Variants in SHROOM1 observed in about 807,000 individuals in gnomAD.
SHROOM1 encodes protein Shroom1.
SHROOM1 carries 53 observed loss-of-function variants against 64.2 expected under a neutral mutation model. The observed-to-expected ratio is 0.83, with a 90% CI of 0.66 to 1.04. The LOEUF is 1.04. Ranked by LOEUF, SHROOM1 falls within the 50% of genes least tolerant of loss-of-function variation. The pLI is 0.00. For synonymous variants in SHROOM1, 490 were observed against 518.9 expected, an observed-to-expected ratio of 0.94 and a Z score of 0.76; for missense variants, 1,179 against 1,163.2, an observed-to-expected ratio of 1.01 and a Z score of -0.20.
At chr5:132,826,921 G>C (rs1266206731) in intron 2 of SHROOM1, among the ~76,000 whole-genome samples, 1 of 152,184 alleles carries the variant, frequency 6.6e-6, no homozygotes, top group African/African-American at 2.4e-5. Flanking sequence ...CTGCTGAAAG[G>C]CAGTTTACCA....
Position 132,825,917 on chromosome 5 carries a change from G to A in SHROOM1, c.224C>T (p.Pro75Leu), listed in dbSNP as rs1354782789. 7.3e-7 allele frequency: 1 copy of A among 1,367,204 alleles called. No individual in the cohort carries two copies. Among genetic ancestry groups the A allele is most frequent in the South Asian group, 1.7e-5 (1 of 57,204 alleles). The allele number at this position is 1,367,204 out of a possible 1,614,324, so 84.7% of individuals were successfully genotyped here. Reference sequence around the variant, plus strand: ...CGGGGATGTGCAAAGGGCAGCGTCGGGCGGGGCGGGGCCCGGGCCGCCCCA... The same window carrying A: ...CGGGGATGTGCAAAGGGCAGCGTCGAGCGGGGCGGGGCCCGGGCCGCCCCA... The part of the protein sequence containing the change: ...VVWGGPGPAP[P>L]DAALCTSPRP... Residue 75 changes from proline (P) to leucine (L), a missense_variant, in exon 4 of 10, where the codon CCC (proline) becomes CTC (leucine). Physicochemically the swap from Pro to Leu is moderately conservative, Grantham distance 98. Coordinates refer to ENST00000378679, the MANE Select transcript of SHROOM1 (RefSeq NM_001172700.2). This position sits in a 1 kb window ranked among gnomAD's most constrained non-coding sequence, Gnocchi z 5.1.
Position 132,830,132 on chromosome 5 carries a change from T to C in SHROOM1, c.-501+462A>G, listed in dbSNP as rs1758803834. Reference sequence around the variant, plus strand: ...ACACGCGGAGCGGCTCGACAGCAGATGGCCGCAGCCCCGCGCAGTTCTGGG... The same window carrying C: ...ACACGCGGAGCGGCTCGACAGCAGACGGCCGCAGCCCCGCGCAGTTCTGGG... On this transcript the variant is annotated intron_variant, in intron 1 of 9. Transcript: ENST00000378679. The surrounding 1 kb of genome is among the most constrained non-coding windows in gnomAD (Gnocchi z 5.9). 1.0e-6 allele frequency: 1 copy of C among 985,184 alleles called. No homozygotes were observed. Among genetic ancestry groups the C allele is most frequent in the East Asian group, 1.1e-4 (1 of 8,750 alleles). 61.0% of individuals were successfully genotyped at this position (985,184 alleles called of 1,614,324 possible). A position where few individuals can be genotyped will look rare whatever the true frequency, so the allele number is the denominator to read the frequency against.
rs1758637184 is a variant in SHROOM1, at chr5:132,825,361, G to T, written c.780C>A (p.Phe260Leu). 5.0e-6 allele frequency: 8 copies of T among 1,599,746 alleles called. No individual in the cohort carries two copies. Among genetic ancestry groups the T allele is most frequent in the Non-Finnish European group, 6.8e-6 (8 of 1,179,006 alleles). The stretch of plus-strand genomic sequence containing the variant: ...CAAACTTAGCCAGCGCCGGATGCTG[G>T]AACTCCAAGGGCTCGGGCCCAGGGA... ...SGLPGPEPLEFQHPALAKFED... is the reference protein window; with the variant it reads ...SGLPGPEPLELQHPALAKFED... Residue 260 changes from phenylalanine to leucine, a missense_variant, in exon 4 of 10, where the codon TTC becomes TTA. Coordinates refer to ENST00000378679, the MANE Select transcript of SHROOM1 (RefSeq NM_001172700.2). The surrounding 1 kb of genome is among the most constrained non-coding windows in gnomAD (Gnocchi z 5.1).
In SHROOM1 at chr5:132,830,342, C is replaced by A. The variant is rs970873005; in HGVS notation, c.-501+252G>T. 8 of 985,002 alleles carry A rather than the reference C, an allele frequency of 8.1e-6. No individual in the cohort carries two copies. Among genetic ancestry groups the A allele is most frequent in the Non-Finnish European group, 9.6e-6 (8 of 829,808 alleles). The allele number at this position is 985,002 out of a possible 1,614,324, so 61.0% of individuals were successfully genotyped here. A position where few individuals can be genotyped will look rare whatever the true frequency, so the allele number is the denominator to read the frequency against. ...GCCCAGCCGCGCCCCTGAGCCGCGC[C>A]GCCAGCTTAGAGTGGGCCGCCTCTC... On this transcript the variant is annotated intron_variant, in intron 1 of 9. Coordinates refer to ENST00000378679, the MANE Select transcript of SHROOM1 (RefSeq NM_001172700.2). The surrounding 1 kb of genome is among the most constrained non-coding windows in gnomAD (Gnocchi z 5.9).
rs193058802 is a variant in SHROOM1, at chr5:132,825,004, T to G, written c.1034+14A>C. ...TTCCCCCCAACTTGGTCCAGAGTGG[T>G]CCGTGTCTCTCACCTGGAAAGTTTG... is the stretch of plus-strand genomic sequence containing the variant. On this transcript the variant is annotated intron_variant, in intron 5 of 9. Coordinates refer to ENST00000378679, the MANE Select transcript of SHROOM1 (RefSeq NM_001172700.2). The surrounding 1 kb of genome is among the most constrained non-coding windows in gnomAD (Gnocchi z 5.1). 37 of 1,613,906 alleles carry G rather than the reference T, an allele frequency of 2.3e-5. No homozygotes were observed. The Admixed American group carries it at 3.8e-4, about 17-fold the overall frequency.
intron 1 of SHROOM1, among the ~76,000 whole-genome samples, chr5:132,829,287 T>A (rs1020886081): frequency 3.9e-5 from 6 of 152,128 alleles, no homozygotes; most frequent in African/African-American, 1.4e-4. Context: ...GTCTGGCAGG[T>A]GGAGGCACCA....
Position 132,822,557 on chromosome 5 carries a change from G to T in SHROOM1, c.*239C>A. 2 of 434,034 alleles carry T rather than the reference G, an allele frequency of 4.6e-6. No individual in the cohort carries two copies. The highest frequency in any genetic ancestry group is 8.2e-6 in the Non-Finnish European group (2 of 243,684). 26.9% of individuals were successfully genotyped at this position (434,034 alleles called of 1,614,324 possible). ...TTTTTATATTTTTAGTAGAGACGGG[G>T]TTTCACCGTGTTAGCCAGGATGGTC... On this transcript the variant is annotated 3_prime_UTR_variant, in exon 10 of 10. Transcript: ENST00000378679.
At chr5:132,829,822 G>A (rs1405847492) in intron 1 of SHROOM1, 1 of 985,338 alleles carries the variant, frequency 1.0e-6, no homozygotes, top group African/African-American at 1.7e-5. Context: ...TGTCCCCAGC[G>A]TCCCCCGTTC....
chr5:132,823,258 C>G lies in SHROOM1; in HGVS notation c.2218G>C (p.Asp740His). Residue 740 changes from aspartate to histidine, a missense_variant, in exon 9 of 10, where the codon GAT (aspartate) becomes CAT (histidine). Physicochemically the swap from Asp to His is moderately conservative, Grantham distance 81. Transcript: ENST00000378679. This position sits in a 1 kb window ranked among gnomAD's most constrained non-coding sequence, Gnocchi z 4.6. Reference protein sequence around the residue: ...LARAASDSDPDEQASLLQRLR... With the variant: ...LARAASDSDPHEQASLLQRLR... ...ACCTGAACCCCTTTTACCTGCTCAT[C>G]AGGGTCGCTGTCTGAGGCCGCCCGG... 2 of 1,597,350 alleles carry G rather than the reference C, an allele frequency of 1.3e-6. No individual in the cohort carries two copies. The highest frequency in any genetic ancestry group is 8.5e-7 in the Non-Finnish European group (1 of 1,177,890).
Position 132,824,128 on chromosome 5 carries a change from T to G in SHROOM1, c.1533A>C (p.Ser511=). 1 of 1,614,142 alleles carries G rather than the reference T, an allele frequency of 6.2e-7. No homozygotes were observed. Among genetic ancestry groups the G allele is most frequent in the Non-Finnish European group, 8.5e-7 (1 of 1,180,024 alleles). ...GAGAGGGACCTGGAGTATCATTGCCTGAAAGTCCCAAGGCATCAGCTGGGA... is the reference window on the plus strand; with the variant it reads ...GAGAGGGACCTGGAGTATCATTGCCGGAAAGTCCCAAGGCATCAGCTGGGA... ...KPVPADALGL[S]GNDTPGPSHN... is the part of the protein sequence containing the mutation. Residue 511 remains serine, a synonymous_variant, in exon 7 of 10, where the codon TCA becomes TCC. Coordinates refer to ENST00000378679, the MANE Select transcript of SHROOM1 (RefSeq NM_001172700.2).
chr5:132,825,509 CG>C lies in SHROOM1; in HGVS notation c.631del (p.Arg211GlyfsTer75). On this transcript the variant is annotated frameshift_variant, in exon 4 of 10. Coordinates refer to ENST00000378679, the MANE Select transcript of SHROOM1 (RefSeq NM_001172700.2). LOFTEE classifies it high-confidence loss of function. The surrounding 1 kb of genome is among the most constrained non-coding windows in gnomAD (Gnocchi z 5.1). ...CCGCTGCTGGTTGGCGAGGGGACCC[CG>C]GCCGGCAGTTCCTGGCGCGGGAGCC... ...SRAPAPGTAGRGPLANQQRKW... is the reference protein window; with the variant it reads ...SRAPAPGTAGXGPLANQQRKW... The C allele has an allele frequency of 6.7e-7, 1 of 1,488,434 alleles. No individual in the cohort carries two copies. Among genetic ancestry groups the C allele is most frequent in the South Asian group, 1.3e-5 (1 of 75,068 alleles). The allele number at this position is 1,488,434 out of a possible 1,614,324, so 92.2% of individuals were successfully genotyped here.
chr5:132,827,295 C>G (rs1387029128), intron 2 of SHROOM1, among the ~76,000 whole-genome samples, 166 bp downstream of exon 2: 1 of 152,164 alleles, frequency 6.6e-6, no homozygotes, highest in Admixed American at 6.5e-5. Flanking sequence ...CTCTCAGTGC[C>G]CAGCAGAGTC....
rs778636295 is a variant in SHROOM1, at chr5:132,825,536, C to G, written c.605G>C (p.Arg202Pro). 3.5e-6 allele frequency: 5 copies of G among 1,442,062 alleles called. No individual in the cohort carries two copies. Among genetic ancestry groups the G allele is most frequent in the South Asian group, 1.5e-5 (1 of 68,492 alleles). 89.3% of individuals were successfully genotyped at this position (1,442,062 alleles called of 1,614,324 possible). Residue 202 changes from arginine to proline, a missense_variant, in exon 4 of 10, where the codon CGG (arginine) becomes CCG (proline). By Grantham distance (103) the Arg-to-Pro change is moderately radical. Transcript: ENST00000378679. The surrounding 1 kb of genome is among the most constrained non-coding windows in gnomAD (Gnocchi z 5.1). ...PGGEGEPARS[R>P]APAPGTAGRG... is the part of the protein sequence containing the mutation. ...GCCGGCAGTTCCTGGCGCGGGAGCC[C>G]GGGAGCGCGCCGGCTCCCCCTCCCC...
Position 132,825,978 on chromosome 5 carries a change from G to T in SHROOM1, c.163C>A (p.Leu55Ile). The T allele has an allele frequency of 6.6e-7, 1 of 1,512,554 alleles. No individual in the cohort carries two copies. The highest frequency in any genetic ancestry group is 2.2e-5 in the Admixed American group (1 of 45,462). 93.7% of individuals were successfully genotyped at this position (1,512,554 alleles called of 1,614,324 possible). The change falls in exon 4 of 10, where the codon CTT becomes ATT. Residue 55 changes from leucine to isoleucine, a missense_variant. Leu to Ile is a conservative substitution (Grantham distance 5). Transcript: ENST00000378679. The surrounding 1 kb of genome is among the most constrained non-coding windows in gnomAD (Gnocchi z 5.1). ...PRTQSPGTDL[L>I]PYLDWDYVRV... ...ACGTAGTCCCAGTCTAGGTAAGGAA[G>T]GAGGTCTGTCCCCGGCGACTGCGTG... is the stretch of plus-strand genomic sequence containing the variant.
chr5:132,825,969 G>T lies in SHROOM1; in HGVS notation c.172C>A (p.Leu58Ile). 2 of 1,496,476 alleles carry T rather than the reference G, an allele frequency of 1.3e-6. No homozygotes were observed. The highest frequency in any genetic ancestry group is 2.7e-5 in the East Asian group (1 of 36,648). The allele number at this position is 1,496,476 out of a possible 1,614,324, so 92.7% of individuals were successfully genotyped here. Residue 58 changes from leucine to isoleucine, a missense_variant, in exon 4 of 10, where the codon CTA (leucine) becomes ATA (isoleucine). Leu to Ile is a conservative substitution (Grantham distance 5, BLOSUM62 2). Coordinates refer to ENST00000378679, the MANE Select transcript of SHROOM1 (RefSeq NM_001172700.2). This position sits in a 1 kb window ranked among gnomAD's most constrained non-coding sequence, Gnocchi z 5.1. ...ACCACACGCACGTAGTCCCAGTCTAGGTAAGGAAGGAGGTCTGTCCCCGGC... is the reference window on the plus strand; with the variant it reads ...ACCACACGCACGTAGTCCCAGTCTATGTAAGGAAGGAGGTCTGTCCCCGGC... Reference protein sequence around the residue: ...QSPGTDLLPYLDWDYVRVVWG... With the variant: ...QSPGTDLLPYIDWDYVRVVWG...
chr5:132,826,094 G>C lies in SHROOM1; in HGVS notation c.47C>G (p.Ser16Cys), dbSNP rs2150031362. The change falls in exon 4 of 10, where the codon TCC (serine) becomes TGC (cysteine). Residue 16 changes from serine to cysteine, a missense_variant. By Grantham distance (112) the Ser-to-Cys change is moderately radical (BLOSUM62 -1). Transcript: ENST00000378679. ...ATGCCACAGGTCCAGGCTGCTAGTGGACGAGGCCGGGGAGGCGCGGTCGCC... is the reference window on the plus strand; with the variant it reads ...ATGCCACAGGTCCAGGCTGCTAGTGCACGAGGCCGGGGAGGCGCGGTCGCC... ...PGGDRASPAS[S>C]TSSLDLWHLS... is the part of the protein sequence containing the mutation. The C allele has an allele frequency of 1.4e-6, 2 of 1,403,304 alleles. No individual in the cohort carries two copies. Among genetic ancestry groups the C allele is most frequent in the Admixed American group, 3.0e-5 (1 of 33,660 alleles). 86.9% of individuals were successfully genotyped at this position (1,403,304 alleles called of 1,614,324 possible). A position where few individuals can be genotyped will look rare whatever the true frequency, so the allele number is the denominator to read the frequency against.
Position 132,823,573 on chromosome 5 carries a change from G to C in SHROOM1, c.1953+50C>G, listed in dbSNP as rs373938080. ...CCAGGCTCATGACTTCCCTGCCCAGGCTCTGGGCTCCTACCCACCCCCAGC... is the reference window on the plus strand; with the variant it reads ...CCAGGCTCATGACTTCCCTGCCCAGCCTCTGGGCTCCTACCCACCCCCAGC... On this transcript the variant is annotated intron_variant, in intron 8 of 9. Transcript: ENST00000378679. The surrounding 1 kb of genome is among the most constrained non-coding windows in gnomAD (Gnocchi z 4.6). 1.2e-4 allele frequency: 184 copies of C among 1,567,802 alleles called. No individual in the cohort carries two copies. Among genetic ancestry groups the C allele is most frequent in the Non-Finnish European group, 1.2e-4 (138 of 1,153,764 alleles).
In SHROOM1 at chr5:132,826,052, T is replaced by A; in HGVS notation, c.89A>T (p.Asp30Val). 1 of 1,497,194 alleles carries A rather than the reference T, an allele frequency of 6.7e-7. No homozygotes were observed. Among genetic ancestry groups the A allele is most frequent in the South Asian group, 1.3e-5 (1 of 75,426 alleles). The allele number at this position is 1,497,194 out of a possible 1,614,324, so 92.7% of individuals were successfully genotyped here. The change falls in exon 4 of 10, where the codon GAC becomes GTC. Residue 30 changes from aspartate to valine, a missense_variant. Asp to Val is a radical substitution (Grantham distance 152). Coordinates refer to ENST00000378679, the MANE Select transcript of SHROOM1 (RefSeq NM_001172700.2). ...TGCGGAGAAAGAGCTGTAGGCCGAG[T>A]CCGCGCGCATGGACAGATGCCACAG... Reference protein sequence around the residue: ...LDLWHLSMRADSAYSSFSAAS... With the variant: ...LDLWHLSMRAVSAYSSFSAAS...
rs753721480 is a variant in SHROOM1, at chr5:132,822,910, G to A, written c.2445C>T (p.Asp815=). The stretch of plus-strand genomic sequence containing the variant: ...GGTCGTCCCTGATGGCGTCCAGTTG[G>A]TCCTGAAGGAGGCGGATGCGCTCGT... ...NLDERIRLLQ[D]QLDAIRDDLG... is the part of the protein sequence containing the mutation. The change falls in exon 10 of 10, where the codon GAC becomes GAT. Residue 815 remains aspartate (D), a synonymous_variant. Coordinates refer to ENST00000378679, the MANE Select transcript of SHROOM1 (RefSeq NM_001172700.2). The A allele has an allele frequency of 6.2e-7, 1 of 1,613,398 alleles. No homozygotes were observed. The highest frequency in any genetic ancestry group is 1.3e-5 in the African/African-American group (1 of 74,944).
Sources: allele counts gnomAD v4.1 joint callset (sites outside exome capture counted in the v4.1 genomes callset), GRCh38; gene constraint gnomAD v4.1.1; non-coding constraint Gnocchi (gnomAD v3.1); transcripts MANE v1.5; gene names NCBI Gene and HGNC (gene_info 2026-07-23, HGNC 2026-07-21).